Variants in NKAIN3 observed in about 807,000 individuals in gnomAD.
NKAIN3 encodes the protein sodium/potassium transporting ATPase interacting 3, also known as sodium/potassium-transporting ATPase subunit beta-1-interacting protein 3.
NKAIN3 carries 25 observed loss-of-function variants against 30.2 expected under a neutral mutation model. That is an observed-to-expected ratio of 0.83 (90% CI 0.60 to 1.16). The LOEUF is 1.16. Ranked by LOEUF, NKAIN3 falls within the 50% of genes most tolerant of loss-of-function variation. NKAIN3 has a pLI of 0.00. For synonymous variants in NKAIN3, 91 were observed against 89.6 expected (o/e 1.02, Z -0.09); for missense variants, 225 against 254.1 (o/e 0.89, Z 0.78).
chr8:62,491,945 T>G (rs1042007306), intron 1 of NKAIN3, among the ~76,000 whole-genome samples: 1 of 152,108 alleles, frequency 6.6e-6, no homozygotes, highest in African/African-American at 2.4e-5. Context: ...GTCAGTAATG[T>G]CCGTTGTTCC....
chr8:62,493,076 CT>C (rs1450340131), intron 1 of NKAIN3, among the ~76,000 whole-genome samples: 1 of 152,068 alleles, frequency 6.6e-6, no homozygotes, highest in Non-Finnish European at 1.5e-5. Context: ...TTAATGCTTG[CT>C]TTTGTTGGGA....
chr8:62,479,353 A>G (rs1806630573), intron 1 of NKAIN3, among the ~76,000 whole-genome samples: 1 of 152,192 alleles, frequency 6.6e-6, no homozygotes, highest in Admixed American at 6.5e-5. Flanking sequence ...TGGAGCTATT[A>G]TCCAAATTCG....
At chr8:62,459,935 G>T (rs1158455632) in intron 1 of NKAIN3, among the ~76,000 whole-genome samples, 2 of 152,172 alleles carry the variant, frequency 1.3e-5, no homozygotes, top group Non-Finnish European at 2.9e-5. Context: ...TTGAAGGATT[G>T]TGAACAAGGG....
At chr8:62,540,279 C>T (rs1485424851) in intron 1 of NKAIN3, among the ~76,000 whole-genome samples, 4 of 152,092 alleles carry the variant, frequency 2.6e-5, no homozygotes, top group Non-Finnish European at 5.9e-5. Flanking sequence ...AGTAAATTTT[C>T]ACCTTGAAAG....
chr8:62,266,228 A>G (rs149766668), intron 1 of NKAIN3, among the ~76,000 whole-genome samples: 297 of 152,304 alleles, frequency 2.0e-3, no homozygotes, highest in African/African-American at 6.4e-3. Flanking sequence ...ATAAGATTCT[A>G]TGTTTTATAA....
At chr8:62,484,024 A>T (rs1339090895) in intron 1 of NKAIN3, among the ~76,000 whole-genome samples, 4 of 152,202 alleles carry the variant, frequency 2.6e-5, no homozygotes, top group African/African-American at 7.2e-5. Flanking sequence ...GCTGACAGAG[A>T]AACACATGTT....
intron 1 of NKAIN3, among the ~76,000 whole-genome samples, chr8:62,523,293 CTG>C (rs553891737): frequency 5.9e-5 from 9 of 152,242 alleles, no homozygotes; most frequent in Middle Eastern, 3.4e-3. Flanking sequence ...TAAGTACACT[CTG>C]TGATGTCCTT....
chr8:62,911,245 G>A (rs1410336607), intron 4 of NKAIN3, among the ~76,000 whole-genome samples: 2 of 152,050 alleles, frequency 1.3e-5, no homozygotes, highest in Admixed American at 6.6e-5. Context: ...GCTTTACACT[G>A]GAAAAGTCCC....
At chr8:62,456,925 A>G (rs1563407334) in intron 1 of NKAIN3, among the ~76,000 whole-genome samples, 4 of 152,252 alleles carry the variant, frequency 2.6e-5, no homozygotes. Flanking sequence ...AAAAGTGCTC[A>G]TGACCTTTCT....
chr8:62,995,523 T>C (rs903473345), intron 5 of NKAIN3, among the ~76,000 whole-genome samples: 6 of 152,210 alleles, frequency 3.9e-5, no homozygotes, highest in South Asian at 2.1e-4. Flanking sequence ...GGGACTAGGG[T>C]TGTTGCCGAA....
chr8:62,549,637 A>G (rs1190211675), intron 1 of NKAIN3, among the ~76,000 whole-genome samples: 1 of 152,006 alleles, frequency 6.6e-6, no homozygotes, highest in Non-Finnish European at 1.5e-5. Flanking sequence ...TTTTTCTTAC[A>G]CTAGCCTATT....
chr8:62,507,871 G>C (rs1807693087), intron 1 of NKAIN3, among the ~76,000 whole-genome samples: 2 of 152,186 alleles, frequency 1.3e-5, no homozygotes, highest in Admixed American at 1.3e-4. Context: ...AGAGATGCAG[G>C]CTGAGATTGA....
chr8:62,699,739 G>A (rs1181766508), intron 3 of NKAIN3, among the ~76,000 whole-genome samples: 1 of 152,074 alleles, frequency 6.6e-6, no homozygotes, highest in Admixed American at 6.6e-5. Context: ...AGCCTGTAGT[G>A]GAATTCCACA....
At chr8:62,949,970 T>C (rs1823237032) in intron 5 of NKAIN3, among the ~76,000 whole-genome samples, 1 of 152,196 alleles carries the variant, frequency 6.6e-6, no homozygotes, top group Non-Finnish European at 1.5e-5. Context: ...TCTTTTCGTG[T>C]TTCATTGAAA....
chr8:62,540,480 T>A, intron 1 of NKAIN3, among the ~76,000 whole-genome samples: 1 of 152,198 alleles, frequency 6.6e-6, no homozygotes. Flanking sequence ...TAGTCATATC[T>A]TTTCATTTAT....
intron 3 of NKAIN3, among the ~76,000 whole-genome samples, chr8:62,598,409 C>T (rs187118484): frequency 8.5e-5 from 13 of 152,048 alleles, no homozygotes; most frequent in African/African-American, 3.1e-4. Context: ...AGTGCCTAAG[C>T]GAAACCCATA....
At chr8:62,327,552 C>A (rs1333204073) in intron 1 of NKAIN3, among the ~76,000 whole-genome samples, 1 of 152,048 alleles carries the variant, frequency 6.6e-6, no homozygotes, top group African/African-American at 2.4e-5. Flanking sequence ...AGTTCCCCAG[C>A]ACCATTTTTT....
intron 1 of NKAIN3, among the ~76,000 whole-genome samples, chr8:62,431,979 C>G: frequency 6.8e-6 from 1 of 147,510 alleles, no homozygotes; most frequent in East Asian, 2.0e-4. Flanking sequence ...AAGGGAGAAT[C>G]ATTCTTAGCA....
intron 3 of NKAIN3, among the ~76,000 whole-genome samples, chr8:62,699,771 T>G (rs556946483): frequency 6.6e-6 from 1 of 152,218 alleles, no homozygotes; most frequent in Non-Finnish European, 1.5e-5. Context: ...TCATAGTATC[T>G]TATGTTATTC....
Sources: allele counts gnomAD v4.1 joint callset (sites outside exome capture counted in the v4.1 genomes callset), GRCh38; gene constraint gnomAD v4.1.1; transcripts MANE v1.5; gene names NCBI Gene and HGNC (gene_info 2026-07-23, HGNC 2026-07-21).